PRR5L: variants seen among roughly 807,000 people sequenced by gnomAD.
PRR5L encodes proline-rich protein 5-like.
PRR5L carries 21 observed loss-of-function variants against 36.4 expected under a neutral mutation model. The ratio of observed to expected loss-of-function variants is 0.58; its 90% confidence interval spans 0.41 to 0.83. PRR5L has a LOEUF of 0.83. Ranked by LOEUF, PRR5L falls within the 40% of genes least tolerant of loss-of-function variation. The pLI is 0.00. For synonymous variants in PRR5L, 188 were observed against 197.0 expected (o/e 0.95, Z 0.38); for missense variants, 381 against 473.3 (o/e 0.80, Z 1.81).
chr11:36,309,312 T>C (rs985409794), intron 1 of PRR5L, among the ~76,000 whole-genome samples: 7 of 152,212 alleles, frequency 4.6e-5, no homozygotes, highest in Admixed American at 4.6e-4. Context: ...TACGCAAATG[T>C]AGAATAATGT....
chr11:36,446,557 A>G (rs1858834831), intron 7 of PRR5L, 117 bp downstream of exon 7: 5 of 1,251,116 alleles, frequency 4.0e-6, no homozygotes, highest in Middle Eastern at 2.8e-4. Context: ...TTGGCTTACT[A>G]CTATTTAGTT....
intron 1 of PRR5L, chr11:36,379,413 C>G: frequency 6.6e-6 from 1 of 152,216 alleles, no homozygotes; most frequent in East Asian, 1.9e-4. Flanking sequence ...ATTTGAAAAA[C>G]AGTGTGTGAG....
chr11:36,397,754 C>G (rs192422790), intron 1 of PRR5L, among the ~76,000 whole-genome samples: 1 of 151,422 alleles, frequency 6.6e-6, no homozygotes, highest in Admixed American at 6.6e-5. Flanking sequence ...CTAGCCAATG[C>G]CTTCTTAATT....
At chr11:36,436,186 C>T (rs1004135485) in intron 5 of PRR5L, among the ~76,000 whole-genome samples, 2 of 152,204 alleles carry the variant, frequency 1.3e-5, no homozygotes, top group Non-Finnish European at 2.9e-5. Flanking sequence ...AGACGGGAGG[C>T]GCCAAATGAA....
At chr11:36,403,673 TC>T (rs368451179) in intron 3 of PRR5L, among the ~76,000 whole-genome samples, 209 of 152,302 alleles carry the variant, frequency 1.4e-3, no homozygotes, top group African/African-American at 4.6e-3. Flanking sequence ...ATTGTGCCCT[TC>T]CTAACCATTA....
chr11:36,421,536 G>A (rs1210617298), intron 4 of PRR5L, among the ~76,000 whole-genome samples: 1 of 152,104 alleles, frequency 6.6e-6, no homozygotes, highest in East Asian at 1.9e-4. Flanking sequence ...ATACAGTTTT[G>A]TTTTTTTCTT....
rs58639707 is a variant in PRR5L at position 36,420,834 on chromosome 11, AACACACACACACACACACACACACAC to A, written c.294+1550_294+1575del. ...AAAAGAATGACATGTCAGTTGTTTA[AACACACACACACACACACACACACAC>A]ACACACACACACACACACGGACAGC... On this transcript the variant is annotated intron_variant, in intron 4 of 8. Transcript: ENST00000530639. Among the ~76,000 whole-genome samples, 16 of 139,406 alleles carry A rather than the reference AACACACACACACACACACACACACAC, an allele frequency of 1.1e-4. No individual in the cohort carries two copies. The East Asian group carries it at 3.6e-3, about 31-fold the overall frequency. 91.5% of individuals were successfully genotyped at this position (139,406 alleles called of 152,430 possible).
chr11:36,362,574 G>GT (rs1369497638), intron 1 of PRR5L, among the ~76,000 whole-genome samples: 3 of 152,050 alleles, frequency 2.0e-5, no homozygotes, highest in African/African-American at 7.3e-5. Context: ...GGGAAAGAAT[G>GT]TTTTTCTAGC....
At chr11:36,421,211 G>T (rs1858258269) in intron 4 of PRR5L, among the ~76,000 whole-genome samples, 1 of 152,180 alleles carries the variant, frequency 6.6e-6, no homozygotes, top group Non-Finnish European at 1.5e-5. Context: ...GTTTGGTGTG[G>T]TTTCAATCAG....
At chr11:36,313,174 T>G (rs1050925690) in intron 1 of PRR5L, among the ~76,000 whole-genome samples, 1 of 152,232 alleles carries the variant, frequency 6.6e-6, no homozygotes, top group Non-Finnish European at 1.5e-5. Flanking sequence ...CACCGCCACC[T>G]TCAGCAGCAC....
intron 1 of PRR5L, among the ~76,000 whole-genome samples, chr11:36,365,205 C>T (rs10501153): frequency 0.24 from 36,483 of 152,020 alleles, 5,414 homozygotes; most frequent in Non-Finnish European, 0.33. Flanking sequence ...CGGGAATGAT[C>T]GTTCAAGTTT....
chr11:36,465,095 T>C lies in PRR5L; in HGVS notation c.*2359T>C, dbSNP rs1859269391. Reference sequence around the variant, plus strand: ...TATTTATGCTAGGATTTTCTTATGGTTGACATTTGATGACAGGAAGCAATC... The same window carrying C: ...TATTTATGCTAGGATTTTCTTATGGCTGACATTTGATGACAGGAAGCAATC... On this transcript the variant is annotated 3_prime_UTR_variant, in exon 9 of 9. Coordinates refer to ENST00000530639, the MANE Select transcript of PRR5L (RefSeq NM_001160167.2). 6.6e-6 allele frequency: 1 copy of C among 152,202 alleles called. No individual in the cohort carries two copies. Among genetic ancestry groups the C allele is most frequent in the East Asian group, 1.9e-4 (1 of 5,206 alleles). 9.4% of individuals were successfully genotyped at this position (152,202 alleles called of 1,614,324 possible). A position where few individuals can be genotyped will look rare whatever the true frequency, so the allele number is the denominator to read the frequency against.
At chr11:36,333,737 A>G (rs1231536591) in intron 1 of PRR5L, among the ~76,000 whole-genome samples, 3 of 152,142 alleles carry the variant, frequency 2.0e-5, no homozygotes, top group Non-Finnish European at 4.4e-5. Context: ...TTGGGGATGA[A>G]TTGCAAAAGG....
At chr11:36,393,336 C>T (rs1401135664) in intron 1 of PRR5L, among the ~76,000 whole-genome samples, 2 of 152,058 alleles carry the variant, frequency 1.3e-5, no homozygotes, top group African/African-American at 2.4e-5. Flanking sequence ...AAGTCTTTAA[C>T]CTATTTTGGT....
intron 8 of PRR5L, among the ~76,000 whole-genome samples, chr11:36,453,777 A>T (rs1413711123): frequency 2.6e-5 from 4 of 152,138 alleles, no homozygotes; most frequent in African/African-American, 9.7e-5. Flanking sequence ...TTTCATCTTG[A>T]CTAGGGAATC....
chr11:36,353,198 T>C (rs1047562755), intron 1 of PRR5L, among the ~76,000 whole-genome samples: 1 of 152,176 alleles, frequency 6.6e-6, no homozygotes, highest in Admixed American at 6.5e-5. Flanking sequence ...TGGCATCTTC[T>C]CCTTCTCTGC....
At chr11:36,327,598 A>G (rs1398645517) in intron 1 of PRR5L, among the ~76,000 whole-genome samples, 1 of 152,208 alleles carries the variant, frequency 6.6e-6, no homozygotes, top group Admixed American at 6.5e-5. Flanking sequence ...TCTGATTCTC[A>G]AGAGATTAAG....
intron 1 of PRR5L, among the ~76,000 whole-genome samples, chr11:36,388,792 G>A (rs1448544592): frequency 1.4e-5 from 2 of 143,084 alleles, no homozygotes; most frequent in African/African-American, 2.6e-5. Context: ...TCCGCCTCCC[G>A]GATTCACGCC....
At chr11:36,427,974 A>G (rs1303139533) in intron 4 of PRR5L, among the ~76,000 whole-genome samples, 4 of 152,186 alleles carry the variant, frequency 2.6e-5, no homozygotes, top group African/African-American at 9.7e-5. Flanking sequence ...CTAGATGGAG[A>G]GTGGGCGAGA....
Sources: allele counts gnomAD v4.1 joint callset (sites outside exome capture counted in the v4.1 genomes callset), GRCh38; gene constraint gnomAD v4.1.1; transcripts MANE v1.5; gene names NCBI Gene and HGNC (gene_info 2026-07-23, HGNC 2026-07-21).